The following MALRD1 variants were observed in gnomAD, a reference collection of about 807,000 sequenced individuals.
MALRD1 encodes the protein MAM and LDL-receptor class A domain-containing protein 1.
In MALRD1, 247 loss-of-function variants were observed where a neutral mutation model predicts 242.1. The ratio of observed to expected loss-of-function variants is 1.02; its 90% CI spans 0.92 to 1.13. The LOEUF is 1.13. Among genes scored for constraint, MALRD1 ranks in the 50% most tolerant of loss-of-function variants. The pLI is 0.00. For synonymous variants in MALRD1, 995 were observed against 866.6 expected (o/e 1.15, Z -2.60); for missense variants, 2,989 against 2,533.1 (o/e 1.18, Z -3.86).
rs78778246 is a variant in MALRD1 at position 19,444,660 on chromosome 10, T to G, written c.4846-5647T>G. Among the ~76,000 whole-genome samples the G allele has an allele frequency of 7.1e-3, 1,077 of 152,304 alleles. 14 individuals carry two copies. Among genetic ancestry groups the G allele is most frequent in the Admixed American group, 0.024 (373 of 15,292 alleles). ...CCTCACTCTCTTCTGGCTTGTAGAC[T>G]TTCTGTGGAAAGATCCATTGTTAAT... On this transcript the variant is annotated intron_variant, in intron 28 of 39. Coordinates refer to ENST00000454679, the MANE Select transcript of MALRD1 (RefSeq NM_001142308.3).
chr10:19,249,414 T>G (rs1839208360), intron 18 of MALRD1, among the ~76,000 whole-genome samples: 1 of 151,278 alleles, frequency 6.6e-6, no homozygotes, highest in South Asian at 2.1e-4. Context: ...TGGCACATGT[T>G]TTTTTTTTGA....
chr10:19,183,629 G>T (rs1377396502), intron 14 of MALRD1, among the ~76,000 whole-genome samples: 6 of 151,820 alleles, frequency 4.0e-5, no homozygotes, highest in Non-Finnish European at 8.8e-5. Flanking sequence ...TACTTCAAAC[G>T]GGTTATTAAG....
At chr10:19,264,490 G>A (rs1481373590) in intron 19 of MALRD1, among the ~76,000 whole-genome samples, 1 of 129,228 alleles carries the variant, frequency 7.7e-6, no homozygotes, top group Non-Finnish European at 1.6e-5. Flanking sequence ...GTCTTGCTCT[G>A]TCGCCCAGGC....
chr10:19,611,316 C>T (rs529958215), intron 35 of MALRD1, among the ~76,000 whole-genome samples: 2 of 151,948 alleles, frequency 1.3e-5, no homozygotes, highest in Non-Finnish European at 2.9e-5. Flanking sequence ...TATATAGCAC[C>T]TGTCACTTCC....
chr10:19,387,275 T>C (rs1846120252), intron 26 of MALRD1, among the ~76,000 whole-genome samples: 1 of 148,832 alleles, frequency 6.7e-6, no homozygotes, highest in African/African-American at 2.5e-5. Context: ...GGAGGGGTAC[T>C]TTCCTAGATC....
chr10:19,388,175 A>G (rs1432678822), intron 27 of MALRD1, among the ~76,000 whole-genome samples: 2 of 152,114 alleles, frequency 1.3e-5, no homozygotes, highest in Non-Finnish European at 2.9e-5. Context: ...TTTTAGGCCC[A>G]TATTCCCTGT....
chr10:19,444,053 C>T (rs1046095119), intron 28 of MALRD1, among the ~76,000 whole-genome samples: 1 of 152,144 alleles, frequency 6.6e-6, no homozygotes, highest in Non-Finnish European at 1.5e-5. Flanking sequence ...ATCCCTTTAT[C>T]GTTATGTAAT....
chr10:19,638,147 G>A (rs976075927), intron 36 of MALRD1, among the ~76,000 whole-genome samples: 2 of 148,102 alleles, frequency 1.4e-5, no homozygotes, highest in African/African-American at 5.0e-5. Context: ...GGTACCCATG[G>A]CAAAACTATC....
chr10:19,357,373 CAAA>C (rs138858113), intron 26 of MALRD1, among the ~76,000 whole-genome samples: 1 of 145,826 alleles, frequency 6.9e-6, no homozygotes, highest in Non-Finnish European at 1.5e-5. Context: ...AGGAATTTTT[CAAA>C]AAAAAAAGTC....
At chr10:19,338,787 C>T (rs753706727) in intron 24 of MALRD1, among the ~76,000 whole-genome samples, 7 of 151,048 alleles carry the variant, frequency 4.6e-5, no homozygotes, top group Non-Finnish European at 8.8e-5. Flanking sequence ...TTAAGTAAAA[C>T]TAAGATATTA....
At chr10:19,052,975 C>T (rs1231326895) in intron 1 of MALRD1, among the ~76,000 whole-genome samples, 2 of 152,108 alleles carry the variant, frequency 1.3e-5, no homozygotes, top group Admixed American at 1.3e-4. Flanking sequence ...GGCCAGAAGC[C>T]GTCAGGCAAG....
At chr10:19,239,085 G>A (rs1249322111) in intron 18 of MALRD1, among the ~76,000 whole-genome samples, 1 of 147,922 alleles carries the variant, frequency 6.8e-6, no homozygotes, top group East Asian at 2.0e-4. Context: ...TTGAGAAGGA[G>A]TCTTGCTCTG....
chr10:19,655,306 T>C (rs1841089697), intron 36 of MALRD1, among the ~76,000 whole-genome samples: 1 of 151,946 alleles, frequency 6.6e-6, no homozygotes. Flanking sequence ...TCTAGAAGTT[T>C]GTCCTTAGTA....
chr10:19,572,353 C>T (rs1416955446), intron 33 of MALRD1, among the ~76,000 whole-genome samples: 1 of 152,164 alleles, frequency 6.6e-6, no homozygotes, highest in East Asian at 1.9e-4. Flanking sequence ...TCTCATCTGT[C>T]TCCATGAGGA....
intron 36 of MALRD1, among the ~76,000 whole-genome samples, chr10:19,624,633 G>C (rs1193327035): frequency 6.6e-6 from 1 of 151,786 alleles, no homozygotes; most frequent in Non-Finnish European, 1.5e-5. Context: ...TGGGAGGTCA[G>C]GGCAGGTGGA....
chr10:19,591,384 C>T (rs1424292769), intron 33 of MALRD1, among the ~76,000 whole-genome samples: 1 of 152,194 alleles, frequency 6.6e-6, no homozygotes, highest in Non-Finnish European at 1.5e-5. Context: ...TTGCGATCCT[C>T]CTATGATAAT....
chr10:19,287,165 T>C (rs1841167382), intron 21 of MALRD1, among the ~76,000 whole-genome samples: 1 of 152,152 alleles, frequency 6.6e-6, no homozygotes, highest in Non-Finnish European at 1.5e-5. Context: ...ATGACAGCTG[T>C]CATTCCTTCA....
intron 19 of MALRD1, among the ~76,000 whole-genome samples, chr10:19,264,670 G>A (rs557235565): frequency 7.5e-4 from 114 of 152,082 alleles, no homozygotes; most frequent in African/African-American, 2.7e-3. Context: ...AGCCAGGATG[G>A]TCTCGATCTC....
At chr10:19,099,539 C>G (rs1219389433) in intron 4 of MALRD1, among the ~76,000 whole-genome samples, 1 of 152,012 alleles carries the variant, frequency 6.6e-6, no homozygotes, top group Admixed American at 6.6e-5. Flanking sequence ...TATAGGAACT[C>G]CATGATCTCT....
Sources: gnomAD v4.1 joint callset for allele counts (sites outside exome capture counted in the v4.1 genomes callset) on GRCh38, gnomAD v4.1.1 for gene constraint, MANE v1.5 for transcripts, NCBI Gene and HGNC (gene_info 2026-07-23, HGNC 2026-07-21) for gene names.